DGKZ: variants seen among roughly 807,000 people sequenced by gnomAD.
The protein encoded by DGKZ is diacylglycerol kinase zeta, also known as DAG kinase zeta.
A neutral mutation model predicts 142.5 loss-of-function variants in DGKZ; 45 were observed. The ratio of observed to expected loss-of-function variants is 0.32; its 90% CI spans 0.25 to 0.40. DGKZ has a LOEUF of 0.40. Ranked by LOEUF, DGKZ falls within the 10% of genes least tolerant of loss-of-function variation. DGKZ has a pLI of 1.00. For missense variants in DGKZ, 755 were observed against 1,306.5 expected, an observed-to-expected ratio of 0.58 and a Z score of 6.51; for synonymous variants, 442 against 527.0, an observed-to-expected ratio of 0.84 and a Z score of 2.21.
chr11:46,340,607 G>A (rs1390006162), intron 1 of DGKZ, among the ~76,000 whole-genome samples: 2 of 152,190 alleles, frequency 1.3e-5, no homozygotes, highest in African/African-American at 4.8e-5. Context: ...CCTCCTCCAG[G>A]TTTCCTCCTG....
intron 6 of DGKZ, 41 bp from the exon 7 acceptor site, chr11:46,371,272 C>A: frequency 6.3e-7 from 1 of 1,597,068 alleles, no homozygotes; most frequent in South Asian, 1.1e-5. Flanking sequence ...GTCTGCTGCT[C>A]CACGCCTGCC....
intron 1 of DGKZ, among the ~76,000 whole-genome samples, chr11:46,356,132 C>G (rs1941996710): frequency 6.6e-6 from 1 of 152,210 alleles, no homozygotes; most frequent in Non-Finnish European, 1.5e-5. Context: ...CAGGAGAAGA[C>G]AAGGATGGGA....
In DGKZ at chr11:46,376,801, G is replaced by T. The variant is rs1590636975; in HGVS notation, c.2202+237G>T. On this transcript the variant is annotated intron_variant, in intron 24 of 30. Coordinates refer to ENST00000527911, the Ensembl canonical transcript of DGKZ. ...GTACCTACCAAAGGCTTGCTGGGTG[G>T]GTAGGAGGGCCTGGAAGCCCAGAGC... is the stretch of plus-strand genomic sequence containing the variant. 58 of 667,080 alleles carry T rather than the reference G, an allele frequency of 8.7e-5. No homozygotes were observed. In the South Asian group the frequency reaches 1.0e-3, roughly 12 times the overall value. The allele number at this position is 667,080 out of a possible 1,614,324, so 41.3% of individuals were successfully genotyped here.
At chr11:46,378,557 C>T (rs778496198) in intron 27 of DGKZ, 57 bp downstream of exon 27, 8 of 1,610,558 alleles carry the variant, frequency 5.0e-6, no homozygotes, top group Middle Eastern at 3.3e-4. Context: ...CCCTGGGGAG[C>T]GAGGCCTCTG....
chr11:46,339,165 C>T (rs373750168), intron 1 of DGKZ, among the ~76,000 whole-genome samples: 2 of 152,206 alleles, frequency 1.3e-5, no homozygotes. Flanking sequence ...CACGCTGCTG[C>T]GGGTCCACGA....
intron 1 of DGKZ, among the ~76,000 whole-genome samples, chr11:46,333,703 A>G (rs946782835): frequency 2.0e-5 from 3 of 152,162 alleles, no homozygotes; most frequent in African/African-American, 7.2e-5. Flanking sequence ...TTCATCCAAT[A>G]TGCAGTGGCT....
chr11:46,334,893 T>A (rs1412100502), intron 1 of DGKZ, among the ~76,000 whole-genome samples: 2 of 152,186 alleles, frequency 1.3e-5, no homozygotes, highest in African/African-American at 4.8e-5. Flanking sequence ...ACCTGGTTTC[T>A]ACTCTCAATT....
chr11:46,378,590 C>G, intron 27 of DGKZ, 90 bp downstream of exon 27: 2 of 1,540,534 alleles, frequency 1.3e-6, no homozygotes, highest in African/African-American at 1.4e-5. Flanking sequence ...AGCTGACCTG[C>G]TCAGGTGCTG....
upstream of DGKZ, among the ~76,000 whole-genome samples, chr11:46,345,110 A>C (rs1940491240): frequency 6.6e-6 from 1 of 152,186 alleles, no homozygotes; most frequent in Admixed American, 6.5e-5. The surrounding 1 kb of genome is among the most constrained non-coding windows in gnomAD (Gnocchi z 4.1). Context: ...CCTCAGCAGG[A>C]CCAAGAGTTG....
intron 1 of DGKZ, among the ~76,000 whole-genome samples, chr11:46,350,855 C>CTTT (rs34476722): frequency 3.2e-4 from 45 of 141,352 alleles, no homozygotes; most frequent in African/African-American, 1.1e-3. Context: ...TGCCATCTCC[C>CTTT]TTTTTTTTTT....
exon 1 of DGKZ, chr11:46,333,404 C>T: frequency 2.0e-6 from 3 of 1,507,270 alleles, no homozygotes; most frequent in Non-Finnish European, 1.8e-6. Context: ...AGCCCTGGCC[C>T]GAGGGTTCCC....
chr11:46,342,382 C>T (rs1184900825), intron 1 of DGKZ, among the ~76,000 whole-genome samples: 2 of 152,242 alleles, frequency 1.3e-5, no homozygotes, highest in Non-Finnish European at 2.9e-5. Context: ...CTCCAGCCTG[C>T]CTGCTTCCCC....
exon 1 of DGKZ, chr11:46,333,295 G>A (rs1300655257): frequency 1.6e-6 from 2 of 1,268,468 alleles, no homozygotes; most frequent in African/African-American, 3.1e-5. Context: ...GGGCAGGGCG[G>A]CGGAGGGCAG....
chr11:46,351,743 G>A (rs1421292150), intron 1 of DGKZ, among the ~76,000 whole-genome samples: 5 of 152,186 alleles, frequency 3.3e-5, no homozygotes, highest in South Asian at 2.1e-4. Context: ...CTCAGTGGCC[G>A]AGCTGCGTTC....
In DGKZ at chr11:46,367,900, C is replaced by T. The variant is rs778760321; in HGVS notation, c.367-102C>T. Reference sequence around the variant, plus strand: ...CAGGGGCTTTGTCCGGATGCCAGGACTGGGGCTTCCCAGTGCACACAAAGG... The same window carrying T: ...CAGGGGCTTTGTCCGGATGCCAGGATTGGGGCTTCCCAGTGCACACAAAGG... On this transcript the variant is annotated intron_variant, in intron 3 of 30. Coordinates refer to ENST00000527911, the Ensembl canonical transcript of DGKZ. This position sits in a 1 kb window ranked among gnomAD's most constrained non-coding sequence, Gnocchi z 4.1. The T allele has an allele frequency of 1.3e-6, 2 of 1,526,940 alleles. No homozygotes were observed. The highest frequency in any genetic ancestry group is 9.1e-7 in the Non-Finnish European group (1 of 1,102,402). The allele number at this position is 1,526,940 out of a possible 1,614,324, so 94.6% of individuals were successfully genotyped here. A position where few individuals can be genotyped will look rare whatever the true frequency, so the allele number is the denominator to read the frequency against.
chr11:46,335,261 C>T (rs1362045764), intron 1 of DGKZ, among the ~76,000 whole-genome samples: 4 of 150,572 alleles, frequency 2.7e-5, no homozygotes. Flanking sequence ...TTGCAGTGAG[C>T]AGAGATGGCG....
intron 14 of DGKZ, 148 bp from the exon 15 acceptor site, chr11:46,374,009 G>T: frequency 1.3e-6 from 1 of 776,676 alleles, no homozygotes; most frequent in Non-Finnish European, 2.1e-6. Context: ...GCCTGACAGC[G>T]GGTGAGCTGG....
intron 1 of DGKZ, among the ~76,000 whole-genome samples, chr11:46,363,397 G>A (rs118102951): frequency 1.1e-4 from 16 of 152,202 alleles, no homozygotes; most frequent in Non-Finnish European, 2.1e-4. Context: ...ACTGAGGCCC[G>A]TGAGGGGCCA....
Position 46,365,975 on chromosome 11 carries a change from C to T in DGKZ, c.162-1316C>T, listed in dbSNP as rs569040295. ...CACCTCCCTGGGACTCCAGGGCTCC[C>T]TAGGGTGCAATGGGGGAGAGCATCA... On this transcript the variant is annotated intron_variant, in intron 1 of 30. Transcript: ENST00000527911. 5.2e-5 allele frequency: 51 copies of T among 985,284 alleles called. No homozygotes were observed. The South Asian group carries it at 2.0e-3, about 39-fold the overall frequency. The allele number at this position is 985,284 out of a possible 1,614,324, so 61.0% of individuals were successfully genotyped here. A position where few individuals can be genotyped will look rare whatever the true frequency, so the allele number is the denominator to read the frequency against.
Sources: gnomAD v4.1 joint callset for allele counts (sites outside exome capture counted in the v4.1 genomes callset) on GRCh38, gnomAD v4.1.1 for gene constraint, Gnocchi (gnomAD v3.1) non-coding constraint, MANE v1.5 for transcripts, NCBI Gene and HGNC (gene_info 2026-07-23, HGNC 2026-07-21) for gene names.